Variants in INTS6L observed in about 807,000 individuals in gnomAD.
INTS6L encodes the protein integrator complex subunit 6 like.
A neutral mutation model predicts 64.7 loss-of-function variants in INTS6L; 18 were observed. That is an observed-to-expected ratio of 0.28 (90% CI 0.19 to 0.41). The LOEUF (loss-of-function observed/expected upper bound fraction) is 0.41, where lower values mean the gene tolerates loss of function less well. Ranked by LOEUF, INTS6L falls within the 10% of genes least tolerant of loss-of-function variation. The pLI, the probability that INTS6L is intolerant of heterozygous loss-of-function variation, is 1.00. For missense variants in INTS6L, 533 were observed against 661.0 expected, an observed-to-expected ratio of 0.81 and a Z score of 2.12; for synonymous variants, 227 against 235.9, an observed-to-expected ratio of 0.96 and a Z score of 0.34.
At position 135,573,940 on chromosome X, in the gene INTS6L, A is replaced by G. The variant is rs1556529224; in HGVS notation, c.1619A>G (p.Asp540Gly). Residue 540 changes from aspartate to glycine, a missense_variant and splice_region_variant, in exon 13 of 18, where the codon GAT becomes GGT. Asp to Gly is a moderately conservative substitution (Grantham distance 94, BLOSUM62 -1). Transcript: ENST00000639893. ...AATTATTTGTTTCATTTCAAATAGG[A>G]TTTGAAACCTCAGACATACAGAAAT... Reference protein sequence around the residue: ...AGFQIGLLNKDLKPQTYRNAY... With the variant: ...AGFQIGLLNKGLKPQTYRNAY... 1.7e-6 allele frequency: 2 copies of G among 1,188,079 alleles called. No individual in the cohort carries two copies. The highest frequency in any genetic ancestry group is 6.0e-5 in the East Asian group (2 of 33,383).
chrX:135,520,938 A>C lies in INTS6L; in HGVS notation c.-55A>C. 1.8e-6 allele frequency: 2 copies of C among 1,136,562 alleles called. No individual in the cohort carries two copies. The highest frequency in any genetic ancestry group is 2.4e-6 in the Non-Finnish European group (2 of 834,221). The allele number at this position is 1,136,562 out of a possible 1,213,427, so 93.7% of individuals were successfully genotyped here. The stretch of plus-strand genomic sequence containing the variant: ...GAGGGTTCAGGTGGCCGTACGCGGC[A>C]GTGAGGGCAAGAGGGCCGGGAGAGT... On this transcript the variant is annotated 5_prime_UTR_variant, in exon 1 of 18. Transcript: ENST00000639893.
rs145043106 is a variant in INTS6L at position 135,537,298 on chromosome X, G to A, written c.190-8125G>A. 2.2e-4 allele frequency among the ~76,000 whole-genome samples: 25 copies of A among 111,898 alleles called. 2 individuals are homozygous for A. In the Admixed American group the frequency reaches 2.3e-3, roughly 10 times the overall value. On this transcript the variant is annotated intron_variant, in intron 2 of 17. Transcript: ENST00000639893. ...CTGTTGGTATGAAAAGACATTTTTA[G>A]TTGACTATGGAAACTTAAACCCGAT...
chrX:135,567,687 A>G (rs5930739), intron 9 of INTS6L, among the ~76,000 whole-genome samples: 1 of 110,269 alleles, frequency 9.1e-6, no homozygotes, highest in South Asian at 3.9e-4. Flanking sequence ...CCCAACAGAC[A>G]CAACATAAAG....
Position 135,556,211 on chromosome X carries a change from C to T in INTS6L, c.1103C>T (p.Pro368Leu). The change falls in exon 9 of 18, where the codon CCA becomes CTA. Residue 368 changes from proline to leucine, a missense_variant. By Grantham distance (98) the Pro-to-Leu change is moderately conservative. Transcript: ENST00000639893. ...SSGKYNELGY[P>L]FGYLKASTTL... Reference sequence around the variant, plus strand: ...GGAAAGTACAATGAACTTGGATATCCATTTGGTTATTTAAAAGCCAGTACA... The same window carrying T: ...GGAAAGTACAATGAACTTGGATATCTATTTGGTTATTTAAAAGCCAGTACA... The T allele has an allele frequency of 1.7e-6, 2 of 1,199,003 alleles. No homozygotes were observed. Among genetic ancestry groups the T allele is most frequent in the Non-Finnish European group, 1.1e-6 (1 of 890,085 alleles).
At chrX:135,540,846 C>T (rs1556512344) in intron 2 of INTS6L, among the ~76,000 whole-genome samples, 2 of 109,329 alleles carry the variant, frequency 1.8e-5, no homozygotes, top group African/African-American at 6.7e-5. Flanking sequence ...ATGATCATGG[C>T]ACACTGCGGC....
Position 135,521,443 on chromosome X carries a change from G to GC in INTS6L, c.189+126dup, listed in dbSNP as rs782029593. 213 of 681,802 alleles carry GC rather than the reference G, an allele frequency of 3.1e-4. 2 individuals are homozygous for GC. In the African/African-American group the frequency reaches 4.3e-3, roughly 14 times the overall value. The allele number at this position is 681,802 out of a possible 1,213,427, so 56.2% of individuals were successfully genotyped here. A position where few individuals can be genotyped will look rare whatever the true frequency, so the allele number is the denominator to read the frequency against. On this transcript the variant is annotated intron_variant, in intron 2 of 17. Coordinates refer to ENST00000639893, the MANE Select transcript of INTS6L (RefSeq NM_001351601.3). ...GGCGGGGCGGGCGGCGAGGGGGTGC[G>GC]CAGAGGGCGGGCGGAGTGGTGCCGT...
intron 2 of INTS6L, among the ~76,000 whole-genome samples, chrX:135,542,710 A>G (rs1344320992): frequency 8.9e-6 from 1 of 111,945 alleles, no homozygotes; most frequent in African/African-American, 3.3e-5. Context: ...ATCTTATCCT[A>G]GCCCTTTACC....
intron 2 of INTS6L, among the ~76,000 whole-genome samples, chrX:135,527,200 C>T (rs932717158): frequency 3.6e-5 from 4 of 111,840 alleles, no homozygotes; most frequent in Non-Finnish European, 5.6e-5. Flanking sequence ...ATGTAATTAC[C>T]GTTCTGACTT....
At chrX:135,522,081 C>T (rs2085593300) in intron 2 of INTS6L, among the ~76,000 whole-genome samples, 1 of 111,502 alleles carries the variant, frequency 9.0e-6, no homozygotes, top group Non-Finnish European at 1.9e-5. Flanking sequence ...CGGAGAAAGT[C>T]TTTGCGTTTC....
chrX:135,570,576 A>G (rs1190601715), intron 11 of INTS6L, 30 bp downstream of exon 11: 2 of 1,147,275 alleles, frequency 1.7e-6, no homozygotes, highest in Non-Finnish European at 2.3e-6. Context: ...ACAAACAAAA[A>G]TCCTTTGCCC....
chrX:135,581,334 T>G (rs2087365729), intron 17 of INTS6L, among the ~76,000 whole-genome samples, 191 bp downstream of exon 17: 1 of 112,120 alleles, frequency 8.9e-6, no homozygotes, highest in African/African-American at 3.2e-5. Context: ...TCCTTCTACT[T>G]TTATCATAGC....
At chrX:135,564,639 C>T (rs374922516) in intron 9 of INTS6L, among the ~76,000 whole-genome samples, 8 of 107,905 alleles carry the variant, frequency 7.4e-5, no homozygotes, top group Admixed American at 2.0e-4. Flanking sequence ...GGCTGAGGCA[C>T]GACACTTACT....
In INTS6L at chrX:135,578,011, G is replaced by A. The variant is rs139244670; in HGVS notation, c.2119+584G>A. 7.0e-3 allele frequency among the ~76,000 whole-genome samples: 782 copies of A among 112,181 alleles called. 5 individuals are homozygous for A. The highest frequency in any genetic ancestry group is 0.023 in the African/African-American group (707 of 30,879). On this transcript the variant is annotated intron_variant, in intron 15 of 17. Coordinates refer to ENST00000639893, the MANE Select transcript of INTS6L (RefSeq NM_001351601.3). ...TGTTCACTCCCTCCTCCATGTGTAC[G>A]TTGGGTGCTCAGACACCATAAGCTT...
intron 2 of INTS6L, among the ~76,000 whole-genome samples, chrX:135,535,513 G>T: frequency 8.9e-6 from 1 of 112,053 alleles, no homozygotes; most frequent in Non-Finnish European, 1.9e-5. Context: ...GGAAAAGCAG[G>T]GCTTCTTATT....
intron 11 of INTS6L, chrX:135,572,566 T>G (rs1367480188): frequency 1.1e-5 from 3 of 275,168 alleles, no homozygotes. Flanking sequence ...ATGGTTTTTA[T>G]TCTCTCCATG....
At chrX:135,523,400 G>A (rs1227866451) in intron 2 of INTS6L, among the ~76,000 whole-genome samples, 1 of 6,370 alleles carries the variant, frequency 1.6e-4, no homozygotes, top group Non-Finnish European at 4.9e-4. Context: ...AAACTCTGTC[G>A]TCAAAAAAAA....
At chrX:135,570,621 G>C (rs1270730115) in intron 11 of INTS6L, 75 bp downstream of exon 11, 1 of 1,070,345 alleles carries the variant, frequency 9.3e-7, no homozygotes, top group African/African-American at 1.9e-5. Context: ...TAGTGTAATT[G>C]TAATTTTTCA....
intron 15 of INTS6L, among the ~76,000 whole-genome samples, chrX:135,577,978 GAC>G (rs1222501583): frequency 8.9e-6 from 1 of 112,323 alleles, no homozygotes; most frequent in Non-Finnish European, 1.9e-5. Context: ...CACAGCATTT[GAC>G]ACAGTTGTTC....
intron 16 of INTS6L, 44 bp downstream of exon 16, chrX:135,580,206 T>C: frequency 8.7e-7 from 1 of 1,144,882 alleles, no homozygotes; most frequent in Non-Finnish European, 1.2e-6. Context: ...CCAGGAGGTT[T>C]CTCTCATTCT....
Sources: gnomAD v4.1 joint callset for allele counts (sites outside exome capture counted in the v4.1 genomes callset) on GRCh38, gnomAD v4.1.1 for gene constraint, MANE v1.5 for transcripts, NCBI Gene and HGNC (gene_info 2026-07-23, HGNC 2026-07-21) for gene names.